Variants in DACH1 observed in about 807,000 individuals in gnomAD.
The protein encoded by DACH1 is dachshund homolog 1.
Under a neutral mutation model 54.2 loss-of-function variants are expected in DACH1, and 12 were observed. That is an observed-to-expected ratio of 0.22 (90% CI 0.14 to 0.36). The LOEUF (loss-of-function observed/expected upper bound fraction) is 0.36, where lower values mean the gene tolerates loss of function less well. Ranked by LOEUF, DACH1 falls within the 10% of genes least tolerant of loss-of-function variation. The pLI is 1.00. For synonymous variants in DACH1, 386 were observed against 366.2 expected (o/e 1.05, Z -0.62); for missense variants, 805 against 929.8 (o/e 0.87, Z 1.75).
intron 1 of DACH1, among the ~76,000 whole-genome samples, chr13:71,743,051 T>A (rs1884464077): frequency 6.6e-6 from 1 of 152,160 alleles, no homozygotes; most frequent in Admixed American, 6.5e-5. Flanking sequence ...ATTTACACAG[T>A]GATATGATGG....
chr13:71,839,584 G>A (rs1888938057), intron 1 of DACH1, among the ~76,000 whole-genome samples: 1 of 151,988 alleles, frequency 6.6e-6, no homozygotes, highest in Non-Finnish European at 1.5e-5. Context: ...TCCAGCCTGG[G>A]CAACAGAGTG....
At chr13:71,565,560 A>G (rs1332289091) in intron 4 of DACH1, among the ~76,000 whole-genome samples, 1 of 152,162 alleles carries the variant, frequency 6.6e-6, no homozygotes, top group African/African-American at 2.4e-5. Context: ...AAAATGCTTA[A>G]AAGTACTTTT....
At chr13:71,526,534 T>C (rs898290218) in intron 6 of DACH1, among the ~76,000 whole-genome samples, 1 of 152,026 alleles carries the variant, frequency 6.6e-6, no homozygotes, top group African/African-American at 2.4e-5. Flanking sequence ...ATAATAATAG[T>C]GCCTACTTCC....
chr13:71,505,071 CTCCT>C lies in DACH1; in HGVS notation c.1571-15927_1571-15924del, dbSNP rs562248988. On this transcript the variant is annotated intron_variant, in intron 6 of 10. Transcript: ENST00000613252. ...ACACATATATTTGTTAATTAGATAT[CTCCT>C]TCCTTCCTTCCTTCCTTCTTTCTTT... 2.7e-4 allele frequency among the ~76,000 whole-genome samples: 41 copies of C among 151,976 alleles called. 1 individual carries two copies. Among genetic ancestry groups the C allele is most frequent in the Admixed American group, 1.8e-3 (28 of 15,236 alleles).
chr13:71,491,169 T>C (rs959537515), intron 6 of DACH1, among the ~76,000 whole-genome samples: 9 of 152,202 alleles, frequency 5.9e-5, no homozygotes, highest in African/African-American at 2.2e-4. Flanking sequence ...ATGTAGCCAG[T>C]ATTTATTTAA....
At chr13:71,539,897 T>A (rs893934315) in intron 6 of DACH1, among the ~76,000 whole-genome samples, 5 of 152,026 alleles carry the variant, frequency 3.3e-5, no homozygotes, top group African/African-American at 1.2e-4. Flanking sequence ...TTAAAGAGTA[T>A]CTTGTATTTT....
chr13:71,442,384 T>C lies in DACH1; in HGVS notation c.2084-1692A>G, dbSNP rs940890873. ...AAATGACAGGATCTCATTCTTTTTATGGCTGAATAGTATTCTATTGCGTAT... is the reference window on the plus strand; with the variant it reads ...AAATGACAGGATCTCATTCTTTTTACGGCTGAATAGTATTCTATTGCGTAT... On this transcript the variant is annotated intron_variant, in intron 10 of 10. Transcript: ENST00000613252. Among the ~76,000 whole-genome samples the C allele has an allele frequency of 5.5e-4, 83 of 152,176 alleles. 2 individuals are homozygous for C. The highest frequency in any genetic ancestry group is 2.1e-4 in the Non-Finnish European group (14 of 68,022).
intron 1 of DACH1, among the ~76,000 whole-genome samples, chr13:71,840,040 C>T (rs1012664660): frequency 3.3e-5 from 5 of 152,078 alleles, no homozygotes; most frequent in Admixed American, 1.3e-4. Context: ...TCCACCTCCT[C>T]GGTTCAAGCA....
intron 1 of DACH1, among the ~76,000 whole-genome samples, chr13:71,816,581 CGT>C (rs1491161517): frequency 0.013 from 1,535 of 122,724 alleles, 62 homozygotes; most frequent in African/African-American, 0.043. Flanking sequence ...TATATATACA[CGT>C]ATATATATAC....
chr13:71,639,033 A>G (rs1005658600), intron 2 of DACH1, among the ~76,000 whole-genome samples: 77 of 152,290 alleles, frequency 5.1e-4, no homozygotes, highest in African/African-American at 1.8e-3. Context: ...TAAGCTCCAC[A>G]TGAGTTTGAA....
chr13:71,798,966 T>G (rs1887173254), intron 1 of DACH1, among the ~76,000 whole-genome samples: 2 of 152,232 alleles, frequency 1.3e-5, no homozygotes, highest in South Asian at 4.1e-4. Flanking sequence ...TTTTAGTAGC[T>G]TTTTTCCAAC....
chr13:71,523,001 T>C (rs540246145), intron 6 of DACH1, among the ~76,000 whole-genome samples: 9 of 152,256 alleles, frequency 5.9e-5, no homozygotes, highest in African/African-American at 2.2e-4. Context: ...ATTTCACCAT[T>C]GCTCTGCAAT....
intron 3 of DACH1, among the ~76,000 whole-genome samples, chr13:71,623,784 A>G (rs940221925): frequency 1.3e-5 from 2 of 151,880 alleles, no homozygotes. Flanking sequence ...TATTAACTAC[A>G]TTATTACTGG....
chr13:71,574,546 T>A, intron 3 of DACH1, among the ~76,000 whole-genome samples: 1 of 152,196 alleles, frequency 6.6e-6, no homozygotes, highest in African/African-American at 2.4e-5. Context: ...GAAGAATACT[T>A]AGTTACTGCC....
At position 71,475,220 on chromosome 13, in the gene DACH1, A is replaced by G; in HGVS notation, c.2015-11T>C. The G allele has an allele frequency of 6.2e-7, 1 of 1,611,912 alleles. No individual in the cohort carries two copies. The highest frequency in any genetic ancestry group is 8.5e-7 in the Non-Finnish European group (1 of 1,178,042). On this transcript the variant is annotated splice_polypyrimidine_tract_variant and intron_variant, in intron 9 of 10. Transcript: ENST00000613252. ...CTGGGGTCAGAGAGTCTAAAAGCAC[A>G]GAAAGGTAAGAGTGACACATATTTC...
chr13:71,605,398 T>A (rs943213572), intron 3 of DACH1, among the ~76,000 whole-genome samples: 1 of 151,760 alleles, frequency 6.6e-6, no homozygotes, highest in Non-Finnish European at 1.5e-5. Context: ...TCAAAAGATA[T>A]GTTCGAGTAT....
intron 6 of DACH1, among the ~76,000 whole-genome samples, chr13:71,516,207 T>G (rs1266943217): frequency 6.6e-6 from 1 of 151,876 alleles, no homozygotes. Context: ...GCAAATACCT[T>G]GTAGAAACTT....
chr13:71,735,109 C>G (rs536044143), intron 1 of DACH1, among the ~76,000 whole-genome samples: 13 of 150,118 alleles, frequency 8.7e-5, no homozygotes, highest in African/African-American at 3.0e-4. Context: ...ATGGGATACA[C>G]GTATATGGGT....
intron 6 of DACH1, among the ~76,000 whole-genome samples, chr13:71,538,139 T>C (rs1882922129): frequency 6.6e-6 from 1 of 152,084 alleles, no homozygotes; most frequent in East Asian, 1.9e-4. Flanking sequence ...AGGCCACTGC[T>C]CTTTTAAGTA....
Sources: allele counts gnomAD v4.1 joint callset (sites outside exome capture counted in the v4.1 genomes callset), GRCh38; gene constraint gnomAD v4.1.1; transcripts MANE v1.5; gene names NCBI Gene and HGNC (gene_info 2026-07-23, HGNC 2026-07-21).